Variants in TTC39C observed in about 807,000 individuals in gnomAD.
The protein encoded by TTC39C is tetratricopeptide repeat domain 39C.
TTC39C carries 33 observed loss-of-function variants against 76.3 expected under a neutral mutation model. That is an observed-to-expected ratio of 0.43 (90% CI 0.33 to 0.58). TTC39C has a LOEUF of 0.58. Ranked by LOEUF, TTC39C falls within the 20% of genes least tolerant of loss-of-function variation. TTC39C has a pLI of 0.04. For missense variants in TTC39C, 595 were observed against 701.4 expected (o/e 0.85, Z 1.71); for synonymous variants, 254 against 260.6 (o/e 0.97, Z 0.24).
intron 6 of TTC39C, chr18:24,113,767 T>G (rs763746773): frequency 1.2e-5 from 8 of 691,724 alleles, no homozygotes; most frequent in African/African-American, 1.8e-5. Flanking sequence ...TGGCATCGTG[T>G]TGGCAGACCC....
intron 1 of TTC39C, among the ~76,000 whole-genome samples, chr18:24,023,395 A>C (rs1186220197): frequency 1.3e-5 from 2 of 152,220 alleles, no homozygotes; most frequent in Non-Finnish European, 2.9e-5. Context: ...AGGTCTCAAC[A>C]GTGCCATCAC....
At chr18:24,029,528 T>C (rs1186876861) in intron 1 of TTC39C, among the ~76,000 whole-genome samples, 1 of 152,150 alleles carries the variant, frequency 6.6e-6, no homozygotes, top group Non-Finnish European at 1.5e-5. Flanking sequence ...ATTTCAGTAG[T>C]TTTGGGGGAA....
At chr18:24,100,426 T>G (rs1438167760) in intron 6 of TTC39C, among the ~76,000 whole-genome samples, 2 of 152,210 alleles carry the variant, frequency 1.3e-5, no homozygotes, top group African/African-American at 4.8e-5. Context: ...CTTGCTTCCC[T>G]CCTCAGTGAG....
chr18:24,084,393 G>A (rs565069839), intron 6 of TTC39C, among the ~76,000 whole-genome samples: 1 of 152,190 alleles, frequency 6.6e-6, no homozygotes, highest in East Asian at 1.9e-4. Context: ...GCTGAGACAC[G>A]AGAATCGCTT....
At chr18:24,023,988 A>C (rs559057247) in intron 1 of TTC39C, among the ~76,000 whole-genome samples, 441 of 5,124 alleles carry the variant, frequency 0.086, 95 homozygotes, top group Non-Finnish European at 0.14. Flanking sequence ...ATACATATAT[A>C]TATATATATA....
In TTC39C at chr18:24,080,546, T is replaced by G. The variant is rs2084363250; in HGVS notation, c.461-39T>G. The stretch of plus-strand genomic sequence containing the variant: ...TTACTATAGAAATAGAAAAATTATT[T>G]TGAATGTTTTTGAATCTTTTCTCCC... On this transcript the variant is annotated intron_variant, in intron 4 of 13. Coordinates refer to ENST00000317571, the MANE Select transcript of TTC39C (RefSeq NM_001135993.2). The G allele has an allele frequency of 2.1e-6, 3 of 1,457,524 alleles. No homozygotes were observed. In the South Asian group the frequency reaches 4.0e-5, roughly 20 times the overall value. The allele number at this position is 1,457,524 out of a possible 1,614,324, so 90.3% of individuals were successfully genotyped here.
intron 6 of TTC39C, among the ~76,000 whole-genome samples, chr18:24,088,449 G>A (rs995401710): frequency 3.9e-5 from 6 of 152,320 alleles, no homozygotes; most frequent in South Asian, 4.1e-4. Context: ...GGGCAGTATC[G>A]TCTGTAGGGA....
At chr18:24,079,681 A>G (rs781626833) in intron 4 of TTC39C, among the ~76,000 whole-genome samples, 1 of 152,200 alleles carries the variant, frequency 6.6e-6, no homozygotes, top group Non-Finnish European at 1.5e-5. Flanking sequence ...TTTAACATGA[A>G]TGACTTTTTT....
At chr18:24,122,790 A>G (rs966740220) in intron 8 of TTC39C, among the ~76,000 whole-genome samples, 11 of 151,744 alleles carry the variant, frequency 7.2e-5, no homozygotes, top group Non-Finnish European at 7.4e-5. Flanking sequence ...TCAAAATCTC[A>G]CTCATTCCTC....
At chr18:24,049,045 AGT>A (rs1465226257) in intron 1 of TTC39C, among the ~76,000 whole-genome samples, 2 of 152,252 alleles carry the variant, frequency 1.3e-5, no homozygotes, top group African/African-American at 4.8e-5. Flanking sequence ...TCTTATAAGA[AGT>A]GGCCTTTATA....
chr18:24,128,570 G>A (rs763880266), intron 10 of TTC39C, among the ~76,000 whole-genome samples: 115 of 151,838 alleles, frequency 7.6e-4, no homozygotes, highest in Non-Finnish European at 1.4e-3. Flanking sequence ...TCATTTTCTT[G>A]GAAAACTCCC....
chr18:24,044,052 T>TTGTGTGTGTGTGTGTGTGTGTGTG (rs56233680), intron 1 of TTC39C, among the ~76,000 whole-genome samples: 1 of 147,848 alleles, frequency 6.8e-6, no homozygotes, highest in African/African-American at 2.5e-5. Flanking sequence ...TTGTGTATGT[T>TTGTGTGTGTGTGTGTGTGTGTGTG]TGTGTGTGTG....
Position 23,993,499 on chromosome 18 carries a change from C to A in TTC39C, c.-17+461C>A, listed in dbSNP as rs149308542. Among the ~76,000 whole-genome samples, 55 of 152,232 alleles carry A rather than the reference C, an allele frequency of 3.6e-4. No homozygotes were observed. In the East Asian group the frequency reaches 8.9e-3, roughly 25 times the overall value. On this transcript the variant is annotated intron_variant, in intron 1 of 13. Transcript: ENST00000304621. ...TTTTCATATCAAATAATTTACTAGA[C>A]CCTCACTTATAGATCTTGTACTCCT...
chr18:24,096,290 C>T (rs2145782653), intron 6 of TTC39C, among the ~76,000 whole-genome samples: 1 of 152,220 alleles, frequency 6.6e-6, no homozygotes, highest in Non-Finnish European at 1.5e-5. Context: ...TGAGGCATGC[C>T]TGTATTTCTT....
intron 8 of TTC39C, among the ~76,000 whole-genome samples, chr18:24,120,693 C>T (rs2084955351): frequency 6.6e-6 from 1 of 152,164 alleles, no homozygotes; most frequent in Non-Finnish European, 1.5e-5. Context: ...CAGAAACTCC[C>T]CATTCACGTT....
At chr18:24,069,376 C>A in intron 4 of TTC39C, 105 bp downstream of exon 4, 2 of 922,230 alleles carry the variant, frequency 2.2e-6, no homozygotes, top group Non-Finnish European at 3.3e-6. Flanking sequence ...ACACATGTGG[C>A]ACCTCTTTGG....
intron 6 of TTC39C, among the ~76,000 whole-genome samples, chr18:24,093,813 A>G (rs992412928): frequency 6.6e-6 from 1 of 152,240 alleles, no homozygotes; most frequent in Non-Finnish European, 1.5e-5. Context: ...ACTATCAATC[A>G]TCTGAGCCTT....
At chr18:24,015,157 C>G (rs1014340724) in intron 1 of TTC39C, 119 bp downstream of exon 1, 15 of 870,148 alleles carry the variant, frequency 1.7e-5, no homozygotes, top group Non-Finnish European at 2.0e-5. Context: ...CGATTCCGGT[C>G]CTCAGGTCTC....
At chr18:24,036,824 G>A (rs1441574568) in intron 1 of TTC39C, among the ~76,000 whole-genome samples, 1 of 151,988 alleles carries the variant, frequency 6.6e-6, no homozygotes, top group Non-Finnish European at 1.5e-5. Context: ...GTAGAGTTGG[G>A]GTCTTGCCAT....
Sources: allele counts gnomAD v4.1 joint callset (sites outside exome capture counted in the v4.1 genomes callset), GRCh38; gene constraint gnomAD v4.1.1; transcripts MANE v1.5; gene names NCBI Gene and HGNC (gene_info 2026-07-23, HGNC 2026-07-21).